Variants in PPP6R1 observed in about 807,000 individuals in gnomAD.
PPP6R1 encodes the protein serine/threonine-protein phosphatase 6 regulatory subunit 1.
PPP6R1 carries 39 observed loss-of-function variants against 104.6 expected under a neutral mutation model. The ratio of observed to expected loss-of-function variants is 0.37; its 90% CI spans 0.29 to 0.49. The LOEUF (loss-of-function observed/expected upper bound fraction) is 0.49, where lower values mean the gene tolerates loss of function less well. PPP6R1 is among the 20% of genes least tolerant of loss of function. PPP6R1 has a pLI of 0.98. For missense variants in PPP6R1, 1,181 were observed against 1,155.8 expected (o/e 1.02, Z -0.32); for synonymous variants, 549 against 479.0 (o/e 1.15, Z -1.91).
chr19:55,245,018 G>A lies in PPP6R1; in HGVS notation c.618+102C>T, dbSNP rs1464513473. Reference sequence around the variant, plus strand: ...CTCCCAAAGTGCTGGAATTACAGGCGTGAGCCACTGCGTCCAGCCCCAATT... The same window carrying A: ...CTCCCAAAGTGCTGGAATTACAGGCATGAGCCACTGCGTCCAGCCCCAATT... On this transcript the variant is annotated intron_variant, in intron 5 of 23. Transcript: ENST00000412770. This position sits in a 1 kb window ranked among gnomAD's most constrained non-coding sequence, Gnocchi z 6.4. The A allele has an allele frequency of 3.3e-5, 49 of 1,500,936 alleles. No homozygotes were observed. The highest frequency in any genetic ancestry group is 4.1e-5 in the Non-Finnish European group (45 of 1,104,554). 93.0% of individuals were successfully genotyped at this position (1,500,936 alleles called of 1,614,324 possible).
At chr19:55,250,802 C>A (rs995002148) in intron 1 of PPP6R1, among the ~76,000 whole-genome samples, 104 of 152,172 alleles carry the variant, frequency 6.8e-4, no homozygotes, top group Non-Finnish European at 8.8e-4. Context: ...ACCCCTTCTG[C>A]CTGCATGACC....
chr19:55,230,572 C>T (rs1328900664), intron 23 of PPP6R1, 41 bp from the exon 24 acceptor site: 4 of 1,613,448 alleles, frequency 2.5e-6, no homozygotes, highest in Middle Eastern at 1.7e-4. Context: ...TCTAGCAGGC[C>T]CAGCCCCACC....
At chr19:55,242,558 C>G in intron 5 of PPP6R1, 70 bp from the exon 6 acceptor site, 24 of 1,331,824 alleles carry the variant, frequency 1.8e-5, no homozygotes, top group Non-Finnish European at 2.4e-5. Flanking sequence ...GTGCTGGGAG[C>G]CCCTCCCATG....
chr19:55,231,625 C>T lies in PPP6R1; in HGVS notation c.2350G>A (p.Glu784Lys), dbSNP rs1422164605. The part of the protein sequence containing the change: ...TPPSAPQEAT[E>K]GSKVTEPSAP... ...GAGGGCTCCGTGACTTTGCTGCCTTCTGTGGCTTCCTGAGGTGCTGAGGGG... is the reference window on the plus strand; with the variant it reads ...GAGGGCTCCGTGACTTTGCTGCCTTTTGTGGCTTCCTGAGGTGCTGAGGGG... The change falls in exon 20 of 24, where the codon GAA (glutamate) becomes AAA (lysine). Residue 784 changes from glutamate (E) to lysine (K), a missense_variant. This residue lies in a region of PPP6R1 where 1,042 missense variants were observed against 955.6 expected (regional missense o/e 1.09). Coordinates refer to ENST00000412770, the MANE Select transcript of PPP6R1 (RefSeq NM_014931.4). 6.2e-7 allele frequency: 1 copy of T among 1,611,852 alleles called. No individual in the cohort carries two copies. Among genetic ancestry groups the T allele is most frequent in the African/African-American group, 1.3e-5 (1 of 75,006 alleles).
chr19:55,228,260 G>A (rs1183035809), downstream of PPP6R1: 1 of 1,612,892 alleles, frequency 6.2e-7, no homozygotes, highest in South Asian at 1.1e-5. Context: ...GCTCCCTGGA[G>A]GAGCTGGGTG....
chr19:55,234,644 C>CTG (rs1421095912), intron 17 of PPP6R1, among the ~76,000 whole-genome samples: 209 of 125,782 alleles, frequency 1.7e-3, no homozygotes, highest in African/African-American at 9.3e-3. Context: ...TTCACAGCGG[C>CTG]CGCACTCACA....
chr19:55,258,640 T>A lies in PPP6R1; in HGVS notation c.-212A>T, dbSNP rs1600122002. 1 of 144,524 alleles carries A rather than the reference T, an allele frequency of 6.9e-6. No individual in the cohort carries two copies. The allele number at this position is 144,524 out of a possible 1,614,324, so 9.0% of individuals were successfully genotyped here. A position where few individuals can be genotyped will look rare whatever the true frequency, so the allele number is the denominator to read the frequency against. Reference sequence around the variant, plus strand: ...TCCTCGCGCGCCGGGTCCTGCAGAGTTGAGGGGGTCAGCGCCGGGTGGAGT... The same window carrying A: ...TCCTCGCGCGCCGGGTCCTGCAGAGATGAGGGGGTCAGCGCCGGGTGGAGT... On this transcript the variant is annotated 5_prime_UTR_variant, in exon 1 of 24. Coordinates refer to ENST00000412770, the MANE Select transcript of PPP6R1 (RefSeq NM_014931.4).
chr19:55,247,706 G>A (rs1356422597), intron 1 of PPP6R1, among the ~76,000 whole-genome samples: 3 of 152,236 alleles, frequency 2.0e-5, no homozygotes, highest in Non-Finnish European at 4.4e-5. Context: ...GGCGGCGGCA[G>A]GGGGAAGAGA....
chr19:55,239,633 G>C lies in PPP6R1; in HGVS notation c.1614C>G (p.Leu538=), dbSNP rs565738172. 7 of 1,612,240 alleles carry C rather than the reference G, an allele frequency of 4.3e-6. No homozygotes were observed. Among genetic ancestry groups the C allele is most frequent in the Middle Eastern group, 3.3e-4 (2 of 6,060 alleles). The change falls in exon 14 of 24, where the codon CTC becomes CTG. Residue 538 remains leucine, a synonymous_variant. Transcript: ENST00000412770. ...CCTCCTCAGGGAAGTTGAACTCCTT[G>C]AGCCGGTCGTCCTCATCGTCACTGG... The part of the protein sequence containing the change: ...HSSSDDEDDR[L]KEFNFPEEAV...
At position 55,231,901 on chromosome 19, in the gene PPP6R1, T is replaced by C. The variant is rs370174800; in HGVS notation, c.2207A>G (p.His736Arg). The change falls in exon 19 of 24, where the codon CAC (histidine) becomes CGC (arginine). Residue 736 changes from histidine to arginine, a missense_variant. His to Arg is a conservative substitution (Grantham distance 29). Around this residue, in one of 2 missense-constraint regions of PPP6R1, gnomAD observed 1,042 missense variants for 955.6 expected, o/e 1.09. Transcript: ENST00000412770. ...SPRVSGEEELHTGPPAPQGPL... is the reference protein window; with the variant it reads ...SPRVSGEEELRTGPPAPQGPL... ...CCCCTGTGGGGCTGGAGGCCCAGTG[T>C]GCAGCTCTTCCTCCCCGGAGACTCG... 1.3e-5 allele frequency: 20 copies of C among 1,533,122 alleles called. No individual in the cohort carries two copies. In the African/African-American group the frequency reaches 2.7e-4, roughly 21 times the overall value. The allele number at this position is 1,533,122 out of a possible 1,614,324, so 95.0% of individuals were successfully genotyped here.
Position 55,258,282 on chromosome 19 carries a change from G to A in PPP6R1, c.-7+153C>T, listed in dbSNP as rs921002047. On this transcript the variant is annotated intron_variant, in intron 1 of 23. Transcript: ENST00000412770. ...GTCGAGGGGGAAGAAACGGGGTGCC[G>A]TGGAGAGGAAACCCGAAGGAAGGAG... Among the ~76,000 whole-genome samples the A allele has an allele frequency of 9.2e-5, 14 of 152,274 alleles. 1 individual carries two copies. The East Asian group carries it at 1.5e-3, about 17-fold the overall frequency.
At chr19:55,252,701 A>G (rs1346262207) in intron 1 of PPP6R1, among the ~76,000 whole-genome samples, 1 of 150,870 alleles carries the variant, frequency 6.6e-6, no homozygotes, top group Non-Finnish European at 1.5e-5. Context: ...CGCCCGGCCT[A>G]ATTTTTGCAT....
chr19:55,255,080 G>T (rs1192036557), intron 1 of PPP6R1, among the ~76,000 whole-genome samples: 2 of 152,218 alleles, frequency 1.3e-5, no homozygotes, highest in Non-Finnish European at 2.9e-5. Flanking sequence ...CCTGTGGCTT[G>T]GGAAAGCCTT....
rs138732181 is a variant in PPP6R1, at chr19:55,256,957, G to A, written c.-7+1478C>T. ...GTCTGCTATCCCCACTTACAGACGA[G>A]GAACAACTTGTCCAAGGTCTCGCTT... On this transcript the variant is annotated intron_variant, in intron 1 of 23. Transcript: ENST00000412770. Among the ~76,000 whole-genome samples the A allele has an allele frequency of 1.3e-3, 200 of 152,174 alleles. 1 individual carries two copies. The highest frequency in any genetic ancestry group is 4.6e-3 in the African/African-American group (192 of 41,500).
chr19:55,236,452 A>G, intron 17 of PPP6R1, 191 bp downstream of exon 17: 2 of 633,344 alleles, frequency 3.2e-6, no homozygotes, highest in Non-Finnish European at 2.6e-6. Context: ...GGATTACATG[A>G]GCCCACCATG....
chr19:55,241,208 C>A lies in PPP6R1; in HGVS notation c.1161+31G>T. On this transcript the variant is annotated intron_variant, in intron 9 of 23. Transcript: ENST00000412770. This position sits in a 1 kb window ranked among gnomAD's most constrained non-coding sequence, Gnocchi z 5.4. The stretch of plus-strand genomic sequence containing the variant: ...CCCAGTCCAGTCCCCGCCCCAGCCC[C>A]TGAACCCCCAGCCCGGTCCAGTCCC... 1 of 1,514,406 alleles carries A rather than the reference C, an allele frequency of 6.6e-7. No homozygotes were observed. The highest frequency in any genetic ancestry group is 1.3e-5 in the South Asian group (1 of 79,724). 93.8% of individuals were successfully genotyped at this position (1,514,406 alleles called of 1,614,324 possible).
chr19:55,242,533 G>C (rs2087468184), intron 5 of PPP6R1, 45 bp from the exon 6 acceptor site: 2 of 1,510,294 alleles, frequency 1.3e-6, no homozygotes. Context: ...GGGCCACCGG[G>C]CCCTCTGCAG....
chr19:55,239,861 G>A lies in PPP6R1; in HGVS notation c.1528C>T (p.Leu510=). ...ATGTTCTTCTTGTTGGTCTCCGCCA[G>A]GGGCCCCGATACGAAGGCTTCCCAC... ...EQWEAFVSGP[L]AETNKKNMVD... is the part of the protein sequence containing the mutation. The change falls in exon 13 of 24, where the codon CTG becomes TTG. Residue 510 remains leucine, a synonymous_variant. Coordinates refer to ENST00000412770, the MANE Select transcript of PPP6R1 (RefSeq NM_014931.4). 1 of 1,613,958 alleles carries A rather than the reference G, an allele frequency of 6.2e-7. No homozygotes were observed. The highest frequency in any genetic ancestry group is 8.5e-7 in the Non-Finnish European group (1 of 1,179,866).
intron 15 of PPP6R1, chr19:55,238,891 G>C (rs2087423105): frequency 1.8e-5 from 3 of 164,758 alleles, no homozygotes; most frequent in African/African-American, 7.2e-5. Context: ...ATTAAGATGT[G>C]GTTGACCCAC....
Sources: gnomAD v4.1 joint callset for allele counts (sites outside exome capture counted in the v4.1 genomes callset) on GRCh38, gnomAD v4.1.1 for gene constraint, gnomAD v4.1.1 regional missense constraint, Gnocchi (gnomAD v3.1) non-coding constraint, MANE v1.5 for transcripts, NCBI Gene and HGNC (gene_info 2026-07-23, HGNC 2026-07-21) for gene names.